CEP192: variants seen among roughly 807,000 people sequenced by gnomAD.
The protein encoded by CEP192 is centrosomal protein of 192 kDa.
CEP192 carries 151 observed loss-of-function variants against 271.8 expected under a neutral mutation model. That is an observed-to-expected ratio of 0.56 (90% CI 0.49 to 0.64). The LOEUF (loss-of-function observed/expected upper bound fraction) is 0.64. Ranked by LOEUF, CEP192 falls within the 30% of genes least tolerant of loss-of-function variation. CEP192 has a pLI of 0.00. For missense variants in CEP192, 2,910 were observed against 3,020.5 expected (o/e 0.96, Z 0.86); for synonymous variants, 995 against 1,076.5 (o/e 0.92, Z 1.48).
intron 14 of CEP192, 29 bp from the exon 15 acceptor site, chr18:13,042,175 A>C: frequency 6.3e-7 from 1 of 1,592,662 alleles, no homozygotes; most frequent in Non-Finnish European, 8.6e-7. Context: ...GTGTATACTT[A>C]TAAGTTGAAT....
chr18:13,009,014 G>GTTT (rs10586819), intron 4 of CEP192, among the ~76,000 whole-genome samples: 1 of 120,430 alleles, frequency 8.3e-6, no homozygotes, highest in African/African-American at 3.4e-5. Flanking sequence ...TGGCCTTTTT[G>GTTT]TTTTTTTTTT....
chr18:13,043,257 T>G (rs976163059), intron 15 of CEP192, among the ~76,000 whole-genome samples: 13 of 152,260 alleles, frequency 8.5e-5, no homozygotes, highest in African/African-American at 2.9e-4. Context: ...TTTGTAGGTG[T>G]TGTTTACATT....
rs759632117 is a variant in CEP192, at chr18:13,089,429, A to C, written c.5994-27A>C. 1.1e-5 allele frequency: 13 copies of C among 1,184,618 alleles called. No homozygotes were observed. The South Asian group carries it at 1.6e-4, about 14-fold the overall frequency. 73.4% of individuals were successfully genotyped at this position (1,184,618 alleles called of 1,614,324 possible). On this transcript the variant is annotated intron_variant, in intron 32 of 44. Transcript: ENST00000506447. Reference sequence around the variant, plus strand: ...ATTTTATATATAACGTCACTTTTAAATAATAAAAAAAAATCTCTCCTGGCA... The same window carrying C: ...ATTTTATATATAACGTCACTTTTAACTAATAAAAAAAAATCTCTCCTGGCA...
At position 13,116,486 on chromosome 18, in the gene CEP192, T is replaced by A; in HGVS notation, c.7399T>A (p.Ser2467Thr). The stretch of plus-strand genomic sequence containing the variant: ...ACTTAAAGTCAATCTGCGAAATAAT[T>A]CTTTTATTACACACTCAGTAAGTTG... ...RTLKVNLRNN[S>T]FITHSLKFLS... Residue 2467 changes from serine (S) to threonine (T), a missense_variant, in exon 43 of 45, where the codon TCT (serine) becomes ACT (threonine). Transcript: ENST00000506447. 6.2e-7 allele frequency: 1 copy of A among 1,608,180 alleles called. No individual in the cohort carries two copies. The highest frequency in any genetic ancestry group is 2.2e-5 in the East Asian group (1 of 44,628).
intron 23 of CEP192, 34 bp downstream of exon 23, chr18:13,068,271 A>G: frequency 6.2e-7 from 1 of 1,608,294 alleles, no homozygotes; most frequent in Non-Finnish European, 8.5e-7. Flanking sequence ...TAAAGAGGAA[A>G]TTAAGCTTCT....
chr18:13,114,317 A>C lies in CEP192; in HGVS notation c.7289+66A>C. 3 of 1,541,136 alleles carry C rather than the reference A, an allele frequency of 1.9e-6. No individual in the cohort carries two copies. In the South Asian group the frequency reaches 3.6e-5, roughly 18 times the overall value. ...CTTTATTGAGGAATAGAGTCAGTAAAATGCTCGATGACTTTACCTGAGTTC... is the reference window on the plus strand; with the variant it reads ...CTTTATTGAGGAATAGAGTCAGTAACATGCTCGATGACTTTACCTGAGTTC... On this transcript the variant is annotated intron_variant, in intron 42 of 44. Transcript: ENST00000506447.
Position 13,046,829 on chromosome 18 carries a change from C to CTTT in CEP192, c.2068-2014_2068-2012dup, listed in dbSNP as rs574030180. The stretch of plus-strand genomic sequence containing the variant: ...GTTTTCTTCTTAAAGAATATCCTTA[C>CTTT]TTTTTTTTTTTTTTTTTTGTAAGGG... On this transcript the variant is annotated intron_variant, in intron 15 of 44. Transcript: ENST00000506447. Among the ~76,000 whole-genome samples, 332 of 122,360 alleles carry CTTT rather than the reference C, an allele frequency of 2.7e-3. 12 individuals are homozygous for CTTT. In the East Asian group the frequency reaches 0.048, roughly 18 times the overall value. The allele number at this position is 122,360 out of a possible 152,430, so 80.3% of individuals were successfully genotyped here.
chr18:13,022,615 A>C (rs1402993299), intron 9 of CEP192, among the ~76,000 whole-genome samples: 1 of 152,176 alleles, frequency 6.6e-6, no homozygotes, highest in African/African-American at 2.4e-5. Context: ...TTCTGATTTC[A>C]AACGATCCAC....
Position 13,091,371 on chromosome 18 carries a change from C to T in CEP192, c.6104-1006C>T, listed in dbSNP as rs371461708. ...GGTCTTTGGGACACCAGAATTTCAC[C>T]TCAAGGAATACTATATTCCTTGTGA... is the stretch of plus-strand genomic sequence containing the variant. On this transcript the variant is annotated intron_variant, in intron 33 of 44. Coordinates refer to ENST00000506447, the MANE Select transcript of CEP192 (RefSeq NM_032142.4). Among the ~76,000 whole-genome samples the T allele has an allele frequency of 4.5e-4, 68 of 152,240 alleles. 2 individuals carry two copies. The highest frequency in any genetic ancestry group is 1.5e-3 in the African/African-American group (64 of 41,528).
chr18:13,105,134 C>T, intron 40 of CEP192, 55 bp downstream of exon 40: 1 of 1,210,116 alleles, frequency 8.3e-7, no homozygotes. Flanking sequence ...CCAGGAGTGC[C>T]TCATTGGATT....
At chr18:13,104,330 AGTCT>A (rs35280465) in intron 39 of CEP192, among the ~76,000 whole-genome samples, 40,347 of 152,012 alleles carry the variant, frequency 0.27, 6,190 homozygotes, top group Admixed American at 0.37. Context: ...CTATGGCAGT[AGTCT>A]CCACCAGGGT....
At chr18:13,113,495 T>A in intron 40 of CEP192, 91 bp from the exon 41 acceptor site, 2 of 1,322,500 alleles carry the variant, frequency 1.5e-6, no homozygotes, top group South Asian at 1.3e-5. Flanking sequence ...TTCCTTTAAT[T>A]TTTTTCATAC....
chr18:13,041,019 T>G (rs1177452785), intron 14 of CEP192, 63 bp downstream of exon 14: 1 of 1,397,358 alleles, frequency 7.2e-7, no homozygotes, highest in Non-Finnish European at 9.9e-7. Context: ...AACTTAGGGG[T>G]TAAATGGGTG....
At chr18:13,101,949 C>G (rs2039727874) in intron 38 of CEP192, among the ~76,000 whole-genome samples, 1 of 152,168 alleles carries the variant, frequency 6.6e-6, no homozygotes, top group African/African-American at 2.4e-5. Context: ...GTTCCTCTCC[C>G]TCTCTGTTCC....
intron 9 of CEP192, among the ~76,000 whole-genome samples, chr18:13,024,546 T>G (rs915767491): frequency 1.3e-5 from 2 of 152,124 alleles, no homozygotes; most frequent in African/African-American, 2.4e-5. Flanking sequence ...CACTGCAACC[T>G]CTGACTCCCT....
chr18:13,012,346 T>C (rs941386200), intron 4 of CEP192, among the ~76,000 whole-genome samples: 1 of 152,186 alleles, frequency 6.6e-6, no homozygotes, highest in Non-Finnish European at 1.5e-5. Context: ...TGGTATAAGA[T>C]TTTGTCATAC....
intron 11 of CEP192, among the ~76,000 whole-genome samples, chr18:13,034,940 C>T (rs758705152): frequency 1.3e-5 from 2 of 151,856 alleles, no homozygotes; most frequent in African/African-American, 2.4e-5. Flanking sequence ...CCTGAGAGTT[C>T]GACAGTGGGG....
intron 33 of CEP192, 123 bp from the exon 34 acceptor site, chr18:13,092,254 A>G: frequency 1.6e-6 from 1 of 642,292 alleles, no homozygotes; most frequent in Non-Finnish European, 2.5e-6. Context: ...TGCTAATCCA[A>G]ATGTCACCTC....
intron 2 of CEP192, chr18:13,000,212 C>A (rs1357328536): frequency 7.1e-6 from 1 of 140,838 alleles, no homozygotes; most frequent in African/African-American, 2.8e-5. Flanking sequence ...CCTGCCTCAA[C>A]TTCCCAAAGT....
Sources: allele counts gnomAD v4.1 joint callset (sites outside exome capture counted in the v4.1 genomes callset), GRCh38; gene constraint gnomAD v4.1.1; transcripts MANE v1.5; gene names NCBI Gene and HGNC (gene_info 2026-07-23, HGNC 2026-07-21).